ZNF444: variants seen among roughly 807,000 people sequenced by gnomAD.
ZNF444 encodes the protein endothelial zinc finger protein 2.
ZNF444 carries 8 observed loss-of-function variants against 14.4 expected under a neutral mutation model. The observed-to-expected ratio is 0.56, with a 90% CI of 0.33 to 1.00. The LOEUF is 1.00. Ranked by LOEUF, ZNF444 falls within the 50% of genes least tolerant of loss-of-function variation. The pLI is 0.03. For synonymous variants in ZNF444, 258 were observed against 235.9 expected (o/e 1.09, Z -0.86); for missense variants, 510 against 504.8 (o/e 1.01, Z -0.10).
At chr19:56,159,095 A>G (rs2032095755) in intron 4 of ZNF444, among the ~76,000 whole-genome samples, 1 of 149,888 alleles carries the variant, frequency 6.7e-6, no homozygotes, top group African/African-American at 2.5e-5. Flanking sequence ...CCACCCATGC[A>G]TTCATCATCT....
chr19:56,143,421 G>A (rs2123470111), intron 1 of ZNF444: 1 of 152,378 alleles, frequency 6.6e-6, no homozygotes, highest in South Asian at 2.1e-4. Flanking sequence ...GCAGGCATCT[G>A]TGTGGCTTTT....
intron 1 of ZNF444, among the ~76,000 whole-genome samples, chr19:56,142,760 C>G (rs1168654632): frequency 1.3e-5 from 2 of 152,200 alleles, no homozygotes; most frequent in African/African-American, 4.8e-5. Flanking sequence ...CGTCCACAGT[C>G]ACACTGCTGA....
In ZNF444 at chr19:56,147,186, T is replaced by C. The variant is rs1308772909; in HGVS notation, c.275T>C (p.Val92Ala). The change falls in exon 3 of 5, where the codon GTG becomes GCG. Residue 92 changes from valine to alanine, a missense_variant. Coordinates refer to ENST00000337080, the MANE Select transcript of ZNF444 (RefSeq NM_018337.4). The surrounding 1 kb of genome is among the most constrained non-coding windows in gnomAD (Gnocchi z 5.9). The part of the protein sequence containing the change: ...SRQPQSGEEA[V>A]ALLEELWGPA... Reference sequence around the variant, plus strand: ...CAGCCGCAGAGCGGGGAGGAGGCGGTGGCCCTGCTGGAGGAGCTCTGGGTG... The same window carrying C: ...CAGCCGCAGAGCGGGGAGGAGGCGGCGGCCCTGCTGGAGGAGCTCTGGGTG... 2 of 1,457,692 alleles carry C rather than the reference T, an allele frequency of 1.4e-6. No individual in the cohort carries two copies. The highest frequency in any genetic ancestry group is 1.8e-6 in the Non-Finnish European group (2 of 1,109,966). 90.3% of individuals were successfully genotyped at this position (1,457,692 alleles called of 1,614,324 possible).
chr19:56,152,559 T>G (rs926561147), intron 3 of ZNF444, among the ~76,000 whole-genome samples: 1 of 151,906 alleles, frequency 6.6e-6, no homozygotes, highest in African/African-American at 2.4e-5. Context: ...TACATTTATC[T>G]AGGGTAAGCG....
At chr19:56,142,248 T>G (rs1329025650) in intron 1 of ZNF444, 1 of 152,212 alleles carries the variant, frequency 6.6e-6, no homozygotes, top group Non-Finnish European at 1.5e-5. Context: ...GTTCTCAGCA[T>G]TTTTGTTCTC....
At chr19:56,138,224 C>T (rs2030655309), upstream of ZNF444, among the ~76,000 whole-genome samples, 1 of 152,136 alleles carries the variant, frequency 6.6e-6, no homozygotes, top group Non-Finnish European at 1.5e-5. Flanking sequence ...TTTTGACATA[C>T]ACTACAACAT....
At chr19:56,149,110 C>T (rs1343021691) in intron 3 of ZNF444, among the ~76,000 whole-genome samples, 7 of 128,474 alleles carry the variant, frequency 5.4e-5, no homozygotes, top group African/African-American at 2.3e-4. Flanking sequence ...CCCCATCACT[C>T]CTCTGACCTT....
chr19:56,139,786 G>C (rs1300246882), upstream of ZNF444, among the ~76,000 whole-genome samples: 18 of 152,018 alleles, frequency 1.2e-4, no homozygotes, highest in Admixed American at 1.2e-3. Context: ...GGTGAAGATG[G>C]ACTTGCTTTC....
intron 1 of ZNF444, among the ~76,000 whole-genome samples, chr19:56,136,212 C>T (rs571356797): frequency 6.6e-6 from 1 of 152,184 alleles, no homozygotes; most frequent in South Asian, 2.1e-4. Flanking sequence ...AGTGAAGACG[C>T]CGATGAGCTG....
rs539896272 is a variant in ZNF444 at position 56,145,117 on chromosome 19, G to A, written c.-196-1130G>A. 2.6e-5 allele frequency among the ~76,000 whole-genome samples: 4 copies of A among 152,292 alleles called. No individual in the cohort carries two copies. The South Asian group carries it at 8.3e-4, about 32-fold the overall frequency. On this transcript the variant is annotated intron_variant, in intron 1 of 4. Transcript: ENST00000337080. This position sits in a 1 kb window ranked among gnomAD's most constrained non-coding sequence, Gnocchi z 4.3. The stretch of plus-strand genomic sequence containing the variant: ...TAAAACAGGCTGCAGGCCAGATTCG[G>A]CCCACCAGCTCAGAGACCACCATTT...
intron 3 of ZNF444, chr19:56,150,424 C>T (rs1193633027): frequency 2.9e-6 from 1 of 348,088 alleles, no homozygotes; most frequent in African/African-American, 2.1e-5. Flanking sequence ...CCGAGGCGAA[C>T]CTCTCACTGT....
intron 1 of ZNF444, among the ~76,000 whole-genome samples, chr19:56,143,846 C>T (rs1210500664): frequency 2.0e-5 from 3 of 151,170 alleles, no homozygotes; most frequent in Non-Finnish European, 4.4e-5. Flanking sequence ...GGTGCAGCAT[C>T]GGAGGGGGTG....
At chr19:56,140,565 C>A (rs934171706), upstream of ZNF444, among the ~76,000 whole-genome samples, 4 of 152,270 alleles carry the variant, frequency 2.6e-5, no homozygotes, top group Non-Finnish European at 5.9e-5. Flanking sequence ...CAAACCGAGG[C>A]CCCCGCGCTG....
Position 56,145,527 on chromosome 19 carries a change from A to C in ZNF444, c.-196-720A>C, listed in dbSNP as rs1359936704. The stretch of plus-strand genomic sequence containing the variant: ...CTTGACCCTGGGAGGCGGAGGTTGC[A>C]GTGAACCAAGATCGCACCATTGCAC... On this transcript the variant is annotated intron_variant, in intron 1 of 4. Transcript: ENST00000337080. This position sits in a 1 kb window ranked among gnomAD's most constrained non-coding sequence, Gnocchi z 4.3. 6.6e-6 allele frequency among the ~76,000 whole-genome samples: 1 copy of C among 152,166 alleles called. No individual in the cohort carries two copies. The highest frequency in any genetic ancestry group is 1.5e-5 in the Non-Finnish European group (1 of 68,024).
At position 56,146,891 on chromosome 19, in the gene ZNF444, C is replaced by T. The variant is rs773872116; in HGVS notation, c.-21C>T. 6.5e-6 allele frequency: 9 copies of T among 1,388,790 alleles called. No homozygotes were observed. In the South Asian group the frequency reaches 1.3e-4, roughly 20 times the overall value. The allele number at this position is 1,388,790 out of a possible 1,614,324, so 86.0% of individuals were successfully genotyped here. A position where few individuals can be genotyped will look rare whatever the true frequency, so the allele number is the denominator to read the frequency against. On this transcript the variant is annotated splice_region_variant and 5_prime_UTR_variant, in exon 3 of 5. Coordinates refer to ENST00000337080, the MANE Select transcript of ZNF444 (RefSeq NM_018337.4). The stretch of plus-strand genomic sequence containing the variant: ...GTCTCACCGGCTTGTTCCCTGCAGG[C>T]GCTGCGGTCCGGGAGGCCCCATGGA...
In ZNF444 at chr19:56,158,571, T is replaced by C. The variant is rs2032050403; in HGVS notation, c.375T>C (p.Gly125=). The change falls in exon 4 of 5, where the codon GGT becomes GGC. Residue 125 remains glycine, a synonymous_variant. Coordinates refer to ENST00000337080, the MANE Select transcript of ZNF444 (RefSeq NM_018337.4). ...TGACGCAGGGCCCTGGGGCCACAGG[T>C]GGAAAGGAGGACAGTGGGATGATTC... ...QDVTQGPGAT[G]GKEDSGMIPL... is the part of the protein sequence containing the mutation. The C allele has an allele frequency of 6.2e-7, 1 of 1,611,080 alleles. No individual in the cohort carries two copies. The highest frequency in any genetic ancestry group is 8.5e-7 in the Non-Finnish European group (1 of 1,178,632).
At chr19:56,139,254 A>G (rs2030683422), upstream of ZNF444, among the ~76,000 whole-genome samples, 1 of 152,146 alleles carries the variant, frequency 6.6e-6, no homozygotes, top group Non-Finnish European at 1.5e-5. Context: ...CGAGAGTGGA[A>G]GCATGACAGT....
chr19:56,152,819 G>GCACT (rs143139515), intron 3 of ZNF444, among the ~76,000 whole-genome samples: 5,869 of 152,132 alleles, frequency 0.039, 175 homozygotes, highest in East Asian at 0.18. Flanking sequence ...TTGTAGAAGG[G>GCACT]CACTAATCCC....
chr19:56,134,116 G>A (rs544994006), intron 1 of ZNF444, among the ~76,000 whole-genome samples: 17 of 151,978 alleles, frequency 1.1e-4, no homozygotes, highest in South Asian at 2.1e-4. Context: ...TCACTCATGC[G>A]TCCATCATCC....
Sources: gnomAD v4.1 joint callset for allele counts (sites outside exome capture counted in the v4.1 genomes callset) on GRCh38, gnomAD v4.1.1 for gene constraint, Gnocchi (gnomAD v3.1) non-coding constraint, MANE v1.5 for transcripts, NCBI Gene and HGNC (gene_info 2026-07-23, HGNC 2026-07-21) for gene names.